The following CNTN3 variants were observed in gnomAD, a reference collection of about 807,000 sequenced individuals.
The protein encoded by CNTN3 is contactin 3.
In CNTN3, 60 loss-of-function variants were observed where a neutral mutation model predicts 119.1. The observed-to-expected ratio is 0.50, with a 90% CI of 0.41 to 0.62. The LOEUF is 0.62. Ranked by LOEUF, CNTN3 falls within the 20% of genes least tolerant of loss-of-function variation. The pLI is 0.00. For missense variants in CNTN3, 1,101 were observed against 1,242.4 expected (o/e 0.89, Z 1.71); for synonymous variants, 450 against 438.7 (o/e 1.03, Z -0.32).
chr3:74,497,191 T>C (rs527809216), intron 3 of CNTN3, among the ~76,000 whole-genome samples: 10 of 152,094 alleles, frequency 6.6e-5, no homozygotes, highest in Non-Finnish European at 1.5e-4. Flanking sequence ...GTCCTCGATG[T>C]CATTATATAT....
chr3:74,316,690 C>A (rs112760857), intron 13 of CNTN3, among the ~76,000 whole-genome samples: 1 of 151,910 alleles, frequency 6.6e-6, no homozygotes, highest in African/African-American at 2.4e-5. Flanking sequence ...CTTTGGGAGG[C>A]CGAGGTGGGC....
chr3:74,336,805 A>G (rs1703406227), intron 11 of CNTN3, 147 bp from the exon 12 acceptor site: 2 of 556,376 alleles, frequency 3.6e-6, no homozygotes, highest in Non-Finnish European at 6.0e-6. Context: ...AATACAAAAA[A>G]AAAAAAAGAA....
chr3:74,568,443 A>G (rs1704259843), intron 1 of CNTN3, among the ~76,000 whole-genome samples: 1 of 152,168 alleles, frequency 6.6e-6, no homozygotes, highest in African/African-American at 2.4e-5. Context: ...GAAACAGTAA[A>G]CTGAACAAAC....
At chr3:74,385,107 T>C (rs1253589105) in intron 5 of CNTN3, among the ~76,000 whole-genome samples, 1 of 152,208 alleles carries the variant, frequency 6.6e-6, no homozygotes, top group African/African-American at 2.4e-5. Flanking sequence ...TGGGCTCTGA[T>C]AAAAATAATA....
intron 4 of CNTN3, among the ~76,000 whole-genome samples, chr3:74,431,104 C>T (rs1701776411): frequency 6.6e-6 from 1 of 152,152 alleles, no homozygotes; most frequent in Non-Finnish European, 1.5e-5. Context: ...GTATAAAAGT[C>T]TTCACTTTGA....
intron 13 of CNTN3, among the ~76,000 whole-genome samples, chr3:74,327,049 G>GAT (rs1030276411): frequency 3.4e-5 from 5 of 146,308 alleles, no homozygotes; most frequent in Admixed American, 2.0e-4. Context: ...TAGGTCTATT[G>GAT]ATATGATGTA....
intron 1 of CNTN3, among the ~76,000 whole-genome samples, chr3:74,539,842 C>A (rs1157721838): frequency 6.6e-6 from 1 of 152,068 alleles, no homozygotes; most frequent in African/African-American, 2.4e-5. Flanking sequence ...ACAGTCCAAA[C>A]GTACAGGCTT....
intron 1 of CNTN3, among the ~76,000 whole-genome samples, chr3:74,532,813 A>G (rs1009806617): frequency 1.3e-5 from 2 of 152,028 alleles, no homozygotes; most frequent in Non-Finnish European, 2.9e-5. Flanking sequence ...GATACCTTAG[A>G]TAAGGGGGGA....
At chr3:74,317,958 G>A (rs1003811644) in intron 13 of CNTN3, among the ~76,000 whole-genome samples, 26 of 152,114 alleles carry the variant, frequency 1.7e-4, no homozygotes, top group African/African-American at 5.8e-4. Context: ...CATTCTCCCT[G>A]TCACTTTCAT....
Position 74,302,730 on chromosome 3 carries a change from C to T in CNTN3, c.1746G>A (p.Gly582=), listed in dbSNP as rs924035337. 1 of 1,613,186 alleles carries T rather than the reference C, an allele frequency of 6.2e-7. No individual in the cohort carries two copies. Among genetic ancestry groups the T allele is most frequent in the Non-Finnish European group, 8.5e-7 (1 of 1,179,474 alleles). Residue 582 remains glycine (G), a synonymous_variant, in exon 14 of 23, where the codon GGG becomes GGA. Coordinates refer to ENST00000263665, the MANE Select transcript of CNTN3 (RefSeq NM_020872.3). ...SGKYVCMVQT[G]VDSVSSAADL... ...CAGCAGCAGATGAAACACTGTCCAC[C>T]CCCGTTTGCACCATACAAACATATT...
intron 1 of CNTN3, among the ~76,000 whole-genome samples, chr3:74,613,401 T>C (rs941198176): frequency 2.6e-5 from 4 of 152,148 alleles, no homozygotes; most frequent in African/African-American, 4.8e-5. Flanking sequence ...TGTTGCTTTT[T>C]CTAGCTCTGT....
intron 1 of CNTN3, among the ~76,000 whole-genome samples, chr3:74,603,209 T>C (rs538362618): frequency 6.6e-6 from 1 of 152,312 alleles, no homozygotes; most frequent in African/African-American, 2.4e-5. Context: ...TCACTGATTA[T>C]GGACCACTAC....
chr3:74,293,320 T>A (rs1359656440), intron 19 of CNTN3, among the ~76,000 whole-genome samples: 1 of 152,166 alleles, frequency 6.6e-6, no homozygotes, highest in African/African-American at 2.4e-5. Context: ...TTAATTCAAG[T>A]CGATGCTTGT....
intron 4 of CNTN3, among the ~76,000 whole-genome samples, chr3:74,481,105 T>C (rs1702755848): frequency 6.6e-6 from 1 of 151,846 alleles, no homozygotes; most frequent in Non-Finnish European, 1.5e-5. Flanking sequence ...ACTCTAAATT[T>C]TTAGACACAA....
At chr3:74,467,417 G>C (rs1269871305) in intron 4 of CNTN3, among the ~76,000 whole-genome samples, 2 of 151,990 alleles carry the variant, frequency 1.3e-5, no homozygotes, top group South Asian at 2.1e-4. Flanking sequence ...AAAATTACAG[G>C]GTTTCAGGTA....
intron 5 of CNTN3, among the ~76,000 whole-genome samples, chr3:74,393,650 G>A (rs180750387): frequency 6.6e-6 from 1 of 152,274 alleles, no homozygotes; most frequent in African/African-American, 2.4e-5. Context: ...CCAGGTAGAA[G>A]GAACACACAA....
chr3:74,394,075 T>G (rs890285760), intron 5 of CNTN3, among the ~76,000 whole-genome samples: 9 of 152,244 alleles, frequency 5.9e-5, no homozygotes, highest in East Asian at 1.9e-4. Flanking sequence ...AGAAGAAGAA[T>G]AATAAACTTA....
chr3:74,331,189 A>C (rs930667414), intron 13 of CNTN3, among the ~76,000 whole-genome samples: 8 of 152,218 alleles, frequency 5.3e-5, no homozygotes, highest in African/African-American at 1.9e-4. Context: ...CTCCATTCAC[A>C]GTAAGTGCCC....
chr3:74,603,636 T>G (rs1301222614), intron 1 of CNTN3, among the ~76,000 whole-genome samples: 1 of 152,240 alleles, frequency 6.6e-6, no homozygotes, highest in African/African-American at 2.4e-5. Flanking sequence ...TTTTTTTAAG[T>G]ACTTTTTTTA....
Sources: allele counts gnomAD v4.1 joint callset (sites outside exome capture counted in the v4.1 genomes callset), GRCh38; gene constraint gnomAD v4.1.1; transcripts MANE v1.5; gene names NCBI Gene and HGNC (gene_info 2026-07-23, HGNC 2026-07-21).